The following NKAIN2 variants were observed in gnomAD, a reference collection of about 807,000 sequenced individuals.
The protein encoded by NKAIN2 is sodium/potassium-transporting ATPase subunit beta-1-interacting protein 2.
In NKAIN2, 14 loss-of-function variants were observed where a neutral mutation model predicts 32.6. The observed-to-expected ratio is 0.43, with a 90% CI of 0.28 to 0.67. The LOEUF is 0.67. Ranked by LOEUF, NKAIN2 falls within the 30% of genes least tolerant of loss-of-function variation. NKAIN2 has a pLI of 0.17. For synonymous variants in NKAIN2, 80 were observed against 87.2 expected (o/e 0.92, Z 0.46); for missense variants, 198 against 258.3 (o/e 0.77, Z 1.60).
chr6:124,737,312 G>A (rs897018835), intron 4 of NKAIN2, among the ~76,000 whole-genome samples: 5 of 151,816 alleles, frequency 3.3e-5, no homozygotes, highest in African/African-American at 9.7e-5. Flanking sequence ...AAGATTTGAT[G>A]GTTTTAAAAG....
At chr6:124,313,488 G>A (rs564435219) in intron 2 of NKAIN2, among the ~76,000 whole-genome samples, 5 of 152,046 alleles carry the variant, frequency 3.3e-5, no homozygotes, top group Admixed American at 2.0e-4. Flanking sequence ...CATTCCCATC[G>A]ACTTTCCTCC....
chr6:124,615,389 T>A (rs992560557), intron 3 of NKAIN2, among the ~76,000 whole-genome samples: 1 of 152,182 alleles, frequency 6.6e-6, no homozygotes, highest in African/African-American at 2.4e-5. Context: ...CAAGCAAATT[T>A]AAAAAATACT....
intron 3 of NKAIN2, among the ~76,000 whole-genome samples, chr6:124,472,474 T>C (rs1777012643): frequency 6.6e-6 from 1 of 152,074 alleles, no homozygotes; most frequent in African/African-American, 2.4e-5. Context: ...CTGCTTGTGG[T>C]AGGTACACAG....
chr6:123,850,341 T>G (rs1775280321), intron 1 of NKAIN2, among the ~76,000 whole-genome samples: 1 of 78,528 alleles, frequency 1.3e-5, no homozygotes, highest in African/African-American at 7.3e-5. Flanking sequence ...TGCAAGCTGC[T>G]GAAAAAAAAA....
At chr6:124,107,570 C>A (rs979099457) in intron 1 of NKAIN2, among the ~76,000 whole-genome samples, 2 of 152,120 alleles carry the variant, frequency 1.3e-5, no homozygotes, top group African/African-American at 2.4e-5. Flanking sequence ...GGTCTACAAT[C>A]TTAGCAAATA....
intron 1 of NKAIN2, among the ~76,000 whole-genome samples, chr6:124,137,694 A>G (rs1786888885): frequency 6.6e-6 from 1 of 152,128 alleles, no homozygotes; most frequent in Non-Finnish European, 1.5e-5. Flanking sequence ...AATAGAAAAC[A>G]CAGAAATAAA....
intron 3 of NKAIN2, among the ~76,000 whole-genome samples, chr6:124,413,458 G>T (rs1174796098): frequency 1.3e-5 from 2 of 152,020 alleles, no homozygotes; most frequent in African/African-American, 4.8e-5. Context: ...ATTGATTTCT[G>T]TAACTTTTTA....
intron 1 of NKAIN2, among the ~76,000 whole-genome samples, chr6:123,952,749 T>C (rs1197063748): frequency 1.1e-4 from 16 of 152,158 alleles, no homozygotes; most frequent in Admixed American, 1.0e-3. Context: ...TGGTTGTTTC[T>C]TATGATATCT....
intron 3 of NKAIN2, among the ~76,000 whole-genome samples, chr6:124,358,568 T>G (rs1799105420): frequency 6.6e-6 from 1 of 152,226 alleles, no homozygotes; most frequent in Admixed American, 6.5e-5. Flanking sequence ...GCTCCATAAA[T>G]GTCTTCTTTT....
intron 3 of NKAIN2, among the ~76,000 whole-genome samples, chr6:124,416,665 T>C (rs1232938752): frequency 6.6e-6 from 1 of 151,826 alleles, no homozygotes; most frequent in African/African-American, 2.4e-5. Context: ...GAAAATAAAG[T>C]AGTGTCAGAG....
At chr6:124,340,620 GA>G (rs1410910072) in intron 2 of NKAIN2, among the ~76,000 whole-genome samples, 3 of 152,138 alleles carry the variant, frequency 2.0e-5, no homozygotes, top group Admixed American at 6.5e-5. Flanking sequence ...TTAGAGGTGA[GA>G]ACATGCTGTA....
intron 1 of NKAIN2, among the ~76,000 whole-genome samples, chr6:124,129,597 G>A (rs546077420): frequency 3.0e-4 from 45 of 152,074 alleles, no homozygotes; most frequent in African/African-American, 8.9e-4. Flanking sequence ...TTTGTCACTC[G>A]TTTCTTTTCT....
At chr6:124,464,921 T>G (rs1187071467) in intron 3 of NKAIN2, among the ~76,000 whole-genome samples, 6 of 152,074 alleles carry the variant, frequency 3.9e-5, no homozygotes, top group Admixed American at 3.3e-4. Flanking sequence ...AATGGTAGCT[T>G]CATGGGGATA....
rs537406759 is a variant in NKAIN2, at chr6:124,180,247, G to T, written c.55-102758G>T. Among the ~76,000 whole-genome samples the T allele has an allele frequency of 1.2e-3, 179 of 152,228 alleles. 1 individual carries two copies. Among genetic ancestry groups the T allele is most frequent in the Admixed American group, 3.2e-3 (49 of 15,288 alleles). ...ACTGGGTAATTTAACAAGGAAAGAGGTTTAATTGACTTACAATCCCACATG... is the reference window on the plus strand; with the variant it reads ...ACTGGGTAATTTAACAAGGAAAGAGTTTTAATTGACTTACAATCCCACATG... On this transcript the variant is annotated intron_variant, in intron 1 of 6. Transcript: ENST00000368417.
chr6:123,830,545 C>A (rs1774337210), intron 1 of NKAIN2, among the ~76,000 whole-genome samples: 1 of 152,186 alleles, frequency 6.6e-6, no homozygotes, highest in Admixed American at 6.5e-5. Flanking sequence ...ACGTAGTTTA[C>A]ACTTACATAT....
chr6:124,620,407 T>C (rs1355901649), intron 3 of NKAIN2, among the ~76,000 whole-genome samples: 2 of 152,192 alleles, frequency 1.3e-5, no homozygotes, highest in Non-Finnish European at 2.9e-5. Context: ...TGAGAAAAAC[T>C]GAAGCTCACA....
At chr6:123,901,451 G>A (rs77167075) in intron 1 of NKAIN2, among the ~76,000 whole-genome samples, 2,166 of 152,206 alleles carry the variant, frequency 0.014, 48 homozygotes, top group East Asian at 0.11. Flanking sequence ...ATAAATTCCA[G>A]AATAAGTGAC....
At chr6:124,046,659 C>A (rs1782148703) in intron 1 of NKAIN2, among the ~76,000 whole-genome samples, 1 of 151,940 alleles carries the variant, frequency 6.6e-6, no homozygotes, top group African/African-American at 2.4e-5. Flanking sequence ...GCAAGTGTGA[C>A]ACAATGAGAG....
At chr6:124,234,108 G>T (rs760705435) in intron 1 of NKAIN2, among the ~76,000 whole-genome samples, 2 of 152,032 alleles carry the variant, frequency 1.3e-5, no homozygotes, top group South Asian at 2.1e-4. Flanking sequence ...TCTTTCTGTT[G>T]TCTAGTTATT....
Sources: allele counts gnomAD v4.1 joint callset (sites outside exome capture counted in the v4.1 genomes callset), GRCh38; gene constraint gnomAD v4.1.1; transcripts MANE v1.5; gene names NCBI Gene and HGNC (gene_info 2026-07-23, HGNC 2026-07-21).